USP30: variants seen among roughly 807,000 people sequenced by gnomAD.
USP30 encodes the protein ubiquitin specific peptidase 30.
Under a neutral mutation model 68.2 loss-of-function variants are expected in USP30, and 41 were observed. The observed-to-expected ratio is 0.60, with a 90% CI of 0.47 to 0.78. USP30 has a LOEUF of 0.78. Among genes scored for constraint, USP30 ranks in the 30% least tolerant of loss-of-function variants. The pLI is 0.00. For synonymous variants in USP30, 229 were observed against 253.7 expected (o/e 0.90, Z 0.93); for missense variants, 522 against 649.4 (o/e 0.80, Z 2.13).
chr12:109,046,816 C>A (rs2040609160), intron 3 of USP30, among the ~76,000 whole-genome samples: 1 of 152,172 alleles, frequency 6.6e-6, no homozygotes, highest in Non-Finnish European at 1.5e-5. Context: ...CCCACCTCAG[C>A]CTCCCGAGTA....
chr12:109,078,973 A>G (rs2041698979), intron 7 of USP30, among the ~76,000 whole-genome samples: 2 of 152,144 alleles, frequency 1.3e-5, no homozygotes, highest in African/African-American at 4.8e-5. Flanking sequence ...ATTCTTGTCT[A>G]TGTAAATTGT....
chr12:109,030,767 C>T (rs1165716863), intron 3 of USP30, among the ~76,000 whole-genome samples: 1 of 152,170 alleles, frequency 6.6e-6, no homozygotes, highest in East Asian at 1.9e-4. Context: ...AGACACCTGC[C>T]ACCACGCCTG....
intron 3 of USP30, among the ~76,000 whole-genome samples, chr12:109,030,878 T>C (rs2040475826): frequency 6.6e-6 from 1 of 152,162 alleles, no homozygotes; most frequent in Admixed American, 6.5e-5. Flanking sequence ...CCTCCCTAAG[T>C]GCTGGGATTA....
chr12:109,055,489 G>A (rs1373150064), intron 1 of USP30, among the ~76,000 whole-genome samples: 2 of 137,040 alleles, frequency 1.5e-5, no homozygotes, highest in South Asian at 2.4e-4. Flanking sequence ...TGTAACCTCC[G>A]CCTCTTGGAC....
At chr12:109,057,448 A>T (rs2040912569) in intron 2 of USP30, among the ~76,000 whole-genome samples, 1 of 152,196 alleles carries the variant, frequency 6.6e-6, no homozygotes, top group African/African-American at 2.4e-5. Flanking sequence ...CTGCAGAAAG[A>T]CTGATCAGAA....
At chr12:109,054,245 G>A (rs1057437140) in intron 1 of USP30, among the ~76,000 whole-genome samples, 31 of 152,194 alleles carry the variant, frequency 2.0e-4, no homozygotes, top group African/African-American at 7.5e-4. Context: ...CACCAGCTGG[G>A]CATGGTGGCT....
At chr12:109,032,802 C>T (rs776059668) in intron 3 of USP30, among the ~76,000 whole-genome samples, 1 of 152,182 alleles carries the variant, frequency 6.6e-6, no homozygotes, top group Non-Finnish European at 1.5e-5. Context: ...AGGCAGCTGC[C>T]TCCAGCCCAC....
Position 109,085,996 on chromosome 12 carries a change from T to C in USP30, c.*65T>C. 3 of 1,536,620 alleles carry C rather than the reference T, an allele frequency of 2.0e-6. No individual in the cohort carries two copies. The highest frequency in any genetic ancestry group is 2.7e-5 in the African/African-American group (2 of 73,084). ...GCACTGTCCAGGAAAAAAGTAAAAC[T>C]GTACTGTTGCGTGTGCAAGCGGCCC... On this transcript the variant is annotated 3_prime_UTR_variant, in exon 13 of 13. Coordinates refer to ENST00000257548, the MANE Select transcript of USP30 (RefSeq NM_032663.5).
At chr12:109,052,263 ATAAC>A (rs1234183577), upstream of USP30, 2 of 157,090 alleles carry the variant, frequency 1.3e-5, no homozygotes, top group African/African-American at 4.8e-5. Context: ...GGCCACAATA[ATAAC>A]TAATTATAGC....
In USP30 at chr12:109,070,942, CA is replaced by C. The variant is rs1174298743; in HGVS notation, c.481-669del. 2.0e-5 allele frequency among the ~76,000 whole-genome samples: 3 copies of C among 152,202 alleles called. No homozygotes were observed. The highest frequency in any genetic ancestry group is 4.4e-5 in the Non-Finnish European group (3 of 68,038). On this transcript the variant is annotated intron_variant, in intron 4 of 12. Coordinates refer to ENST00000257548, the MANE Select transcript of USP30 (RefSeq NM_032663.5). This position sits in a 1 kb window ranked among gnomAD's most constrained non-coding sequence, Gnocchi z 4.0. ...AACTTTCATACAATGGAATATTATTCAGCCTTAAAAAGGAAGGAAATTCTGC... is the reference window on the plus strand; with the variant it reads ...AACTTTCATACAATGGAATATTATTCGCCTTAAAAAGGAAGGAAATTCTGC...
intron 3 of USP30, among the ~76,000 whole-genome samples, chr12:109,062,387 T>C (rs1225298165): frequency 7.1e-6 from 1 of 141,192 alleles, no homozygotes; most frequent in Non-Finnish European, 1.5e-5. Flanking sequence ...CAGGCTGGAG[T>C]GCGGTGGCAT....
intron 3 of USP30, among the ~76,000 whole-genome samples, chr12:109,028,863 G>C (rs10850069): frequency 0.75 from 113,338 of 152,122 alleles, 42,965 homozygotes; most frequent in East Asian, 0.97. Flanking sequence ...GGATCCACCC[G>C]CATGATCCAA....
chr12:109,078,372 C>T (rs1343638693), intron 7 of USP30, among the ~76,000 whole-genome samples: 3 of 151,258 alleles, frequency 2.0e-5, no homozygotes, highest in Non-Finnish European at 1.5e-5. Flanking sequence ...TGTGGTGAGC[C>T]GAGATCACGC....
At chr12:109,023,535 A>G (rs1392094357) in intron 1 of USP30, among the ~76,000 whole-genome samples, 1 of 151,662 alleles carries the variant, frequency 6.6e-6, no homozygotes, top group Non-Finnish European at 1.5e-5. Context: ...AGCCTGGGTG[A>G]TAGAGCGAAA....
intron 1 of USP30, among the ~76,000 whole-genome samples, chr12:109,055,484 C>A (rs1169096940): frequency 7.2e-6 from 1 of 139,496 alleles, no homozygotes. Flanking sequence ...CTCACTGTAA[C>A]CTCCGCCTCT....
intron 1 of USP30, among the ~76,000 whole-genome samples, chr12:109,055,678 T>C (rs747803669): frequency 6.6e-6 from 1 of 150,508 alleles, no homozygotes; most frequent in Non-Finnish European, 1.5e-5. Context: ...ATTACAGGCA[T>C]GAGCCATCAC....
At chr12:109,071,446 G>A (rs773305476) in intron 4 of USP30, among the ~76,000 whole-genome samples, 166 bp from the exon 5 acceptor site, 16 of 152,172 alleles carry the variant, frequency 1.1e-4, no homozygotes, top group Non-Finnish European at 2.4e-4. Context: ...GTCTTCACTC[G>A]TGACAGTGTC....
chr12:109,044,874 A>G (rs976962370), intron 3 of USP30, among the ~76,000 whole-genome samples: 2 of 151,910 alleles, frequency 1.3e-5, no homozygotes, highest in Non-Finnish European at 2.9e-5. Flanking sequence ...CCCATATACC[A>G]TCATCATTAT....
At chr12:109,062,824 A>G (rs78753245) in intron 3 of USP30, among the ~76,000 whole-genome samples, 1,890 of 152,146 alleles carry the variant, frequency 0.012, 33 homozygotes, top group African/African-American at 0.043. Context: ...AGAACTCTTC[A>G]TCATCCCGTA....
Sources: gnomAD v4.1 joint callset for allele counts (sites outside exome capture counted in the v4.1 genomes callset) on GRCh38, gnomAD v4.1.1 for gene constraint, Gnocchi (gnomAD v3.1) non-coding constraint, MANE v1.5 for transcripts, NCBI Gene and HGNC (gene_info 2026-07-23, HGNC 2026-07-21) for gene names.